PEMT: variants seen among roughly 807,000 people sequenced by gnomAD.
PEMT encodes phosphatidylethanolamine N-methyltransferase, also known as phospholipid methyltransferase.
PEMT carries 23 observed loss-of-function variants against 27.4 expected under a neutral mutation model. The observed-to-expected ratio is 0.84, with a 90% confidence interval of 0.60 to 1.19. The LOEUF is 1.19. Among genes scored for constraint, PEMT ranks in the 50% most tolerant of loss-of-function variants. PEMT has a pLI of 0.00. For missense variants in PEMT, 307 were observed against 310.1 expected (o/e 0.99, Z 0.07); for synonymous variants, 137 against 139.1 (o/e 0.98, Z 0.11).
chr17:17,525,461 C>T (rs969100971), intron 2 of PEMT, among the ~76,000 whole-genome samples: 11 of 152,352 alleles, frequency 7.2e-5, no homozygotes, highest in African/African-American at 2.2e-4. Context: ...CCCAGCTGCT[C>T]GTTTCATCCA....
In PEMT at chr17:17,513,644, AGTGG is replaced by A. The variant is rs998369098; in HGVS notation, c.321-994_321-991del. 7.7e-4 allele frequency among the ~76,000 whole-genome samples: 117 copies of A among 152,174 alleles called. No individual in the cohort carries two copies. The highest frequency in any genetic ancestry group is 4.6e-4 in the Non-Finnish European group (31 of 68,048). ...ACCAAAAGGGGGTGACTATGACAGC[AGTGG>A]GTCTAGAGGCTCAGGTTCTCCAGTT... On this transcript the variant is annotated intron_variant, in intron 3 of 6. Coordinates refer to ENST00000255389, the MANE Select transcript of PEMT (RefSeq NM_148172.3). The surrounding 1 kb of genome is among the most constrained non-coding windows in gnomAD (Gnocchi z 4.1).
chr17:17,551,187 G>A (rs756292805), intron 2 of PEMT, among the ~76,000 whole-genome samples: 32 of 152,156 alleles, frequency 2.1e-4, no homozygotes, highest in Non-Finnish European at 4.0e-4. Context: ...GATGTTGAAC[G>A]CCATGCAGAA....
intron 1 of PEMT, among the ~76,000 whole-genome samples, chr17:17,590,393 C>T (rs1020595078): frequency 1.3e-5 from 2 of 152,230 alleles, no homozygotes; most frequent in Non-Finnish European, 2.9e-5. Context: ...ACTGACCTTT[C>T]GGCTCTCAGA....
At chr17:17,544,950 C>A (rs1017574106) in intron 2 of PEMT, among the ~76,000 whole-genome samples, 1 of 152,216 alleles carries the variant, frequency 6.6e-6, no homozygotes, top group Non-Finnish European at 1.5e-5. Flanking sequence ...AGAAAGGAGG[C>A]GAACAGGCCA....
chr17:17,590,394 G>A (rs894375584), intron 1 of PEMT, among the ~76,000 whole-genome samples: 7 of 152,086 alleles, frequency 4.6e-5, no homozygotes, highest in Admixed American at 1.3e-4. Flanking sequence ...CTGACCTTTC[G>A]GCTCTCAGAT....
intron 2 of PEMT, among the ~76,000 whole-genome samples, chr17:17,552,128 G>C (rs2142649691): frequency 6.6e-6 from 1 of 152,174 alleles, no homozygotes; most frequent in South Asian, 2.1e-4. Context: ...CTTGAACCTG[G>C]GAGGTGGAGG....
intron 2 of PEMT, among the ~76,000 whole-genome samples, chr17:17,560,785 G>T (rs1012078367): frequency 2.0e-5 from 3 of 151,972 alleles, no homozygotes; most frequent in African/African-American, 7.3e-5. Flanking sequence ...GCTCCCTGCT[G>T]CCCTAGCCAC....
At chr17:17,520,354 G>A (rs1407413450) in intron 3 of PEMT, among the ~76,000 whole-genome samples, 1 of 152,222 alleles carries the variant, frequency 6.6e-6, no homozygotes, top group Non-Finnish European at 1.5e-5. Context: ...TGCCTGCCAG[G>A]TTCCTCTGGC....
chr17:17,556,086 C>T (rs530547002), intron 2 of PEMT, among the ~76,000 whole-genome samples: 50 of 152,242 alleles, frequency 3.3e-4, no homozygotes, highest in Non-Finnish European at 2.6e-4. Flanking sequence ...AGTCACACGT[C>T]GCACTGAAGT....
chr17:17,591,511 C>T lies in PEMT; in HGVS notation c.96+20G>A. The T allele has an allele frequency of 6.3e-7, 1 of 1,581,790 alleles. No homozygotes were observed. Among genetic ancestry groups the T allele is most frequent in the East Asian group, 2.3e-5 (1 of 44,006 alleles). ...CAGATCCCTCTCCCAGTTTCCGCGG[C>T]GGTCCGGTGCGGTCAGTACCTGTCT... On this transcript the variant is annotated intron_variant, in intron 1 of 6. Transcript: ENST00000255389.
At position 17,523,446 on chromosome 17, in the gene PEMT, T is replaced by C. The variant is rs1907436555; in HGVS notation, c.205-1051A>G. ...GAAGGTGGCTCCCTAGTGAGTCCTC[T>C]GGCCCCTGTCCTCAGAGCTCCTTGG... On this transcript the variant is annotated intron_variant, in intron 2 of 6. Transcript: ENST00000255389. The surrounding 1 kb of genome is among the most constrained non-coding windows in gnomAD (Gnocchi z 4.8). Among the ~76,000 whole-genome samples, 1 of 152,204 alleles carries C rather than the reference T, an allele frequency of 6.6e-6. No homozygotes were observed. The highest frequency in any genetic ancestry group is 1.5e-5 in the Non-Finnish European group (1 of 68,038).
At chr17:17,538,112 C>G (rs1908614272) in intron 2 of PEMT, among the ~76,000 whole-genome samples, 1 of 152,208 alleles carries the variant, frequency 6.6e-6, no homozygotes, top group Non-Finnish European at 1.5e-5. Flanking sequence ...GCCTGGGTCC[C>G]AGCCCTCCCA....
At chr17:17,506,531 G>C (rs941481323) in intron 5 of PEMT, among the ~76,000 whole-genome samples, 35 of 152,350 alleles carry the variant, frequency 2.3e-4, no homozygotes, top group African/African-American at 8.2e-4. Flanking sequence ...TTGTCTGCCT[G>C]TCTGGCCTGG....
chr17:17,548,706 G>C (rs941728321), intron 2 of PEMT, among the ~76,000 whole-genome samples: 53 of 152,080 alleles, frequency 3.5e-4, no homozygotes, highest in Non-Finnish European at 5.9e-5. Flanking sequence ...GCACCACCAC[G>C]CCTGGCTAAG....
At position 17,577,039 on chromosome 17, in the gene PEMT, G is replaced by A; in HGVS notation, c.97-12C>T. 1 of 1,604,326 alleles carries A rather than the reference G, an allele frequency of 6.2e-7. No individual in the cohort carries two copies. The highest frequency in any genetic ancestry group is 8.5e-7 in the Non-Finnish European group (1 of 1,171,362). ...ACGCAGAAGTCTGCCTGCAGGGACA[G>A]AGCTAGCATCAGCACCACCCAGACA... is the stretch of plus-strand genomic sequence containing the variant. On this transcript the variant is annotated splice_polypyrimidine_tract_variant and intron_variant, in intron 1 of 6. Coordinates refer to ENST00000255389, the MANE Select transcript of PEMT (RefSeq NM_148172.3).
intron 2 of PEMT, among the ~76,000 whole-genome samples, chr17:17,555,744 T>C (rs1298310476): frequency 1.3e-5 from 2 of 152,058 alleles, no homozygotes. Flanking sequence ...AGCCAGCCCC[T>C]GTGCTGCCCT....
At chr17:17,539,401 CT>C (rs1302277428) in intron 2 of PEMT, among the ~76,000 whole-genome samples, 3 of 152,224 alleles carry the variant, frequency 2.0e-5, no homozygotes, top group Admixed American at 6.5e-5. Context: ...CACTCCTGTC[CT>C]GTGTTCCATC....
At chr17:17,507,563 C>T in intron 5 of PEMT, 2 of 277,066 alleles carry the variant, frequency 7.2e-6, no homozygotes, top group South Asian at 1.5e-4. Flanking sequence ...GCAGCGACCC[C>T]ACTGTGGGCG....
At chr17:17,571,222 G>A (rs1237196007) in intron 2 of PEMT, among the ~76,000 whole-genome samples, 1 of 152,058 alleles carries the variant, frequency 6.6e-6, no homozygotes, top group Non-Finnish European at 1.5e-5. Flanking sequence ...GCAGGTTCTC[G>A]GTGACTATTC....
Sources: gnomAD v4.1 joint callset for allele counts (sites outside exome capture counted in the v4.1 genomes callset) on GRCh38, gnomAD v4.1.1 for gene constraint, Gnocchi (gnomAD v3.1) non-coding constraint, MANE v1.5 for transcripts, NCBI Gene and HGNC (gene_info 2026-07-23, HGNC 2026-07-21) for gene names.